Variants in CSMD1 observed in about 807,000 individuals in gnomAD.
CSMD1 encodes CUB and Sushi multiple domains 1.
Under a neutral mutation model 417.5 loss-of-function variants are expected in CSMD1, and 213 were observed. That is an observed-to-expected ratio of 0.51 (90% CI 0.46 to 0.57). The LOEUF (loss-of-function observed/expected upper bound fraction) is 0.57, where lower values mean the gene tolerates loss of function less well. CSMD1 is among the 20% of genes least tolerant of loss of function. The probability of loss-of-function intolerance (pLI) is 0.00; values close to 1 mark genes in which losing one functional copy is unlikely to be tolerated. For synonymous variants in CSMD1, 2,862 were observed against 1,736.8 expected, an observed-to-expected ratio of 1.65 and a Z score of -16.11; for missense variants, 6,923 against 4,529.7, an observed-to-expected ratio of 1.53 and a Z score of -15.17.
At chr8:4,727,337 G>C (rs1478933853) in intron 1 of CSMD1, among the ~76,000 whole-genome samples, 2 of 152,116 alleles carry the variant, frequency 1.3e-5, no homozygotes, top group African/African-American at 2.4e-5. Context: ...CATGAACAAA[G>C]ACCATGAAAT....
intron 1 of CSMD1, among the ~76,000 whole-genome samples, chr8:4,776,875 T>A (rs1349572867): frequency 6.6e-6 from 1 of 152,228 alleles, no homozygotes; most frequent in African/African-American, 2.4e-5. Context: ...TGTTTTCTGC[T>A]TATCTTCATC....
intron 54 of CSMD1, among the ~76,000 whole-genome samples, chr8:2,996,324 T>C (rs1317180710): frequency 1.3e-5 from 2 of 152,106 alleles, no homozygotes; most frequent in African/African-American, 2.4e-5. Flanking sequence ...AGCTGAAATA[T>C]TTTTTAAAAT....
chr8:4,088,776 C>G (rs1800560430), intron 3 of CSMD1, among the ~76,000 whole-genome samples: 1 of 152,122 alleles, frequency 6.6e-6, no homozygotes, highest in Non-Finnish European at 1.5e-5. Flanking sequence ...AGCCTCAGCT[C>G]CCACCCTCCC....
At position 3,308,429 on chromosome 8, in the gene CSMD1, T is replaced by TAA. The variant is rs1805059152; in HGVS notation, c.3704_3705dup (p.Thr1236LeufsTer5). 1 of 1,613,718 alleles carries TAA rather than the reference T, an allele frequency of 6.2e-7. No homozygotes were observed. Among genetic ancestry groups the TAA allele is most frequent in the Non-Finnish European group, 8.5e-7 (1 of 1,179,832 alleles). ...CAACTGTACAGAACTACAGTGTCGG[T>TAA]AAAGTGGCCTTCATCACGGATCCTA... On this transcript the variant is annotated frameshift_variant, in exon 24 of 70. Coordinates refer to ENST00000635120, the MANE Select transcript of CSMD1 (RefSeq NM_033225.6). LOFTEE classifies it high-confidence loss of function.
At chr8:4,512,166 C>G (rs1802857113) in intron 2 of CSMD1, among the ~76,000 whole-genome samples, 1 of 152,078 alleles carries the variant, frequency 6.6e-6, no homozygotes, top group Non-Finnish European at 1.5e-5. Flanking sequence ...ATCACATCAA[C>G]AGGTTAAAGA....
chr8:4,152,801 C>G (rs1057321760), intron 3 of CSMD1, among the ~76,000 whole-genome samples: 2 of 152,008 alleles, frequency 1.3e-5, no homozygotes, highest in African/African-American at 4.8e-5. Flanking sequence ...TGGGAATATA[C>G]ACACATACAC....
intron 2 of CSMD1, among the ~76,000 whole-genome samples, chr8:4,559,057 G>C (rs571393685): frequency 6.6e-6 from 1 of 151,972 alleles, no homozygotes; most frequent in Admixed American, 6.6e-5. Flanking sequence ...CCCTCATCTT[G>C]TATTTAAGCA....
chr8:3,643,055 G>C (rs533264491), intron 7 of CSMD1, among the ~76,000 whole-genome samples: 2 of 152,208 alleles, frequency 1.3e-5, no homozygotes, highest in South Asian at 2.1e-4. Context: ...TCCTGTGCAT[G>C]TGAGTGTCGA....
intron 3 of CSMD1, among the ~76,000 whole-genome samples, chr8:4,362,733 T>G (rs1173732145): frequency 6.6e-6 from 1 of 152,214 alleles, no homozygotes; most frequent in Non-Finnish European, 1.5e-5. Context: ...TTTACATTGT[T>G]GTGTAATCAG....
chr8:3,399,373 G>A lies in CSMD1; in HGVS notation c.2405+18C>T, dbSNP rs759057779. ...ACACACACCATTGGGTCCAAATGAA[G>A]ACTAATTTTTTTCTTACCTGTCAAA... is the stretch of plus-strand genomic sequence containing the variant. On this transcript the variant is annotated intron_variant, in intron 16 of 69. Coordinates refer to ENST00000635120, the MANE Select transcript of CSMD1 (RefSeq NM_033225.6). 3 of 1,584,780 alleles carry A rather than the reference G, an allele frequency of 1.9e-6. No homozygotes were observed. Among genetic ancestry groups the A allele is most frequent in the Non-Finnish European group, 2.6e-6 (3 of 1,165,022 alleles).
intron 26 of CSMD1, among the ~76,000 whole-genome samples, chr8:3,236,480 C>T (rs956292304): frequency 6.6e-6 from 1 of 152,178 alleles, no homozygotes; most frequent in Non-Finnish European, 1.5e-5. Context: ...GTGCAGAATA[C>T]ATCGGTTGGG....
chr8:3,834,642 T>A (rs1802573415), intron 5 of CSMD1, among the ~76,000 whole-genome samples: 1 of 152,194 alleles, frequency 6.6e-6, no homozygotes, highest in Non-Finnish European at 1.5e-5. Context: ...GTCTTTTTAG[T>A]AAATTATCAA....
chr8:3,274,031 T>C (rs1392305444), intron 26 of CSMD1, among the ~76,000 whole-genome samples: 1 of 150,456 alleles, frequency 6.6e-6, no homozygotes, highest in African/African-American at 2.4e-5. Flanking sequence ...GGGTGTCAAT[T>C]TTGGATCTTT....
intron 10 of CSMD1, among the ~76,000 whole-genome samples, chr8:3,545,686 G>C (rs754193070): frequency 1.6e-4 from 24 of 152,112 alleles, no homozygotes; most frequent in Non-Finnish European, 3.1e-4. Flanking sequence ...GCAAAATTGA[G>C]GACACTTAAC....
chr8:3,310,392 C>T (rs1164052120), intron 23 of CSMD1, among the ~76,000 whole-genome samples: 2 of 152,208 alleles, frequency 1.3e-5, no homozygotes, highest in African/African-American at 2.4e-5. Context: ...CTTTAGAAGG[C>T]AGTCCTGCCC....
chr8:4,340,250 A>G (rs1469753167), intron 3 of CSMD1, among the ~76,000 whole-genome samples: 1 of 151,990 alleles, frequency 6.6e-6, no homozygotes, highest in African/African-American at 2.4e-5. Flanking sequence ...CTCTCACTGA[A>G]GCCTGGAAGA....
At chr8:4,194,479 TCTAATA>T (rs1210537511) in intron 3 of CSMD1, among the ~76,000 whole-genome samples, 1 of 152,172 alleles carries the variant, frequency 6.6e-6, no homozygotes, top group East Asian at 1.9e-4. Flanking sequence ...CTGTCACTTT[TCTAATA>T]AATAGTGATT....
chr8:4,537,896 T>C (rs1038869790), intron 2 of CSMD1, among the ~76,000 whole-genome samples: 2 of 152,218 alleles, frequency 1.3e-5, no homozygotes, highest in South Asian at 2.1e-4. Flanking sequence ...ATTTTCTCAT[T>C]AGTTATTCTC....
At chr8:4,968,170 G>A (rs963464879) in intron 1 of CSMD1, among the ~76,000 whole-genome samples, 3 of 152,036 alleles carry the variant, frequency 2.0e-5, no homozygotes, top group Admixed American at 6.6e-5. Context: ...TTCTGAAATA[G>A]GATAATTTTT....
Sources: allele counts gnomAD v4.1 joint callset (sites outside exome capture counted in the v4.1 genomes callset), GRCh38; gene constraint gnomAD v4.1.1; transcripts MANE v1.5; gene names NCBI Gene and HGNC (gene_info 2026-07-23, HGNC 2026-07-21).